The following FAM184B variants were observed in gnomAD, a reference collection of about 807,000 sequenced individuals.
FAM184B encodes protein FAM184B.
FAM184B carries 111 observed loss-of-function variants against 135.9 expected under a neutral mutation model. That is an observed-to-expected ratio of 0.82 (90% CI 0.70 to 0.96). The LOEUF is 0.96. Among genes scored for constraint, FAM184B ranks in the 40% least tolerant of loss-of-function variants. The pLI, the probability that FAM184B is intolerant of heterozygous loss-of-function variation, is 0.00. For missense variants in FAM184B, 1,375 were observed against 1,323.9 expected (o/e 1.04, Z -0.60); for synonymous variants, 552 against 524.8 (o/e 1.05, Z -0.71).
At chr4:17,776,085 C>A (rs1483774806) in intron 1 of FAM184B, among the ~76,000 whole-genome samples, 1 of 152,098 alleles carries the variant, frequency 6.6e-6, no homozygotes, top group Non-Finnish European at 1.5e-5. Context: ...TTTTAATGGG[C>A]ACCTTGGGCC....
chr4:17,673,422 C>T (rs1716223758), intron 7 of FAM184B, among the ~76,000 whole-genome samples: 1 of 152,102 alleles, frequency 6.6e-6, no homozygotes, highest in Admixed American at 6.5e-5. Flanking sequence ...TGGGTATCTA[C>T]CCTGAGGAAA....
chr4:17,647,661 G>C lies in FAM184B; in HGVS notation c.2322C>G (p.Ser774Arg). 1.3e-6 allele frequency: 2 copies of C among 1,550,718 alleles called. No homozygotes were observed. Among genetic ancestry groups the C allele is most frequent in the Non-Finnish European group, 1.7e-6 (2 of 1,146,928 alleles). ...CCTCTGTGGCGATTATGTGATCCTT[G>C]CTGTCTCCTGGACACTGGCTGCTGG... The part of the protein sequence containing the change: ...QQASSQCPGD[S>R]KDHIIATEER... The change falls in exon 12 of 18, where the codon AGC (serine) becomes AGG (arginine). Residue 774 changes from serine (S) to arginine (R), a missense_variant. Coordinates refer to ENST00000265018, the MANE Select transcript of FAM184B (RefSeq NM_015688.2).
At chr4:17,651,974 C>T (rs1688245431) in intron 11 of FAM184B, among the ~76,000 whole-genome samples, 1 of 152,082 alleles carries the variant, frequency 6.6e-6, no homozygotes, top group Non-Finnish European at 1.5e-5. Context: ...TTGCCGAAAT[C>T]TTCAGAACAG....
chr4:17,697,729 AC>A (rs1408770342), intron 5 of FAM184B, among the ~76,000 whole-genome samples: 1 of 152,252 alleles, frequency 6.6e-6, no homozygotes, highest in Non-Finnish European at 1.5e-5. Context: ...CAGCACAGTG[AC>A]AATCACCTGT....
intron 1 of FAM184B, among the ~76,000 whole-genome samples, chr4:17,747,182 C>T (rs1369209126): frequency 1.3e-5 from 2 of 151,706 alleles, no homozygotes; most frequent in Non-Finnish European, 2.9e-5. Context: ...TGGTGGGGGG[C>T]GGTGTGAGCC....
At chr4:17,756,606 T>A (rs1718426869) in intron 1 of FAM184B, among the ~76,000 whole-genome samples, 1 of 152,156 alleles carries the variant, frequency 6.6e-6, no homozygotes, top group East Asian at 1.9e-4. Context: ...CAGAAGTTTC[T>A]CTTGATAGAA....
intron 17 of FAM184B, chr4:17,633,270 A>G (rs1281266397): frequency 6.4e-6 from 1 of 155,892 alleles, no homozygotes; most frequent in East Asian, 1.9e-4. Context: ...ATCTTGAGGA[A>G]TAATGTTAGT....
chr4:17,745,206 T>C (rs1718133222), intron 1 of FAM184B, among the ~76,000 whole-genome samples: 2 of 152,242 alleles, frequency 1.3e-5, no homozygotes, highest in Admixed American at 6.5e-5. Flanking sequence ...GAAAGAATTC[T>C]GGACTAGATT....
chr4:17,709,233 A>T lies in FAM184B; in HGVS notation c.553T>A (p.Ser185Thr). The T allele has an allele frequency of 6.5e-7, 1 of 1,546,452 alleles. No homozygotes were observed. The highest frequency in any genetic ancestry group is 2.0e-5 in the Admixed American group (1 of 50,786). ...ATCTCCGGGCCCTGGCCTGGCTCCGACTTGGTTTCAGGGCTCTCCTGGGGC... is the reference window on the plus strand; with the variant it reads ...ATCTCCGGGCCCTGGCCTGGCTCCGTCTTGGTTTCAGGGCTCTCCTGGGGC... ...RLPQESPETK[S>T]EPGQGPEMQE... The change falls in exon 2 of 18, where the codon TCG (serine) becomes ACG (threonine). Residue 185 changes from serine (S) to threonine (T), a missense_variant. Ser to Thr is a moderately conservative substitution (Grantham distance 58, BLOSUM62 1). Coordinates refer to ENST00000265018, the MANE Select transcript of FAM184B (RefSeq NM_015688.2).
chr4:17,638,320 C>G (rs767896881), intron 14 of FAM184B, among the ~76,000 whole-genome samples: 30 of 151,734 alleles, frequency 2.0e-4, no homozygotes, highest in Admixed American at 2.6e-4. Flanking sequence ...TTCCAAGTAG[C>G]TGGGACTATA....
At chr4:17,763,556 G>C (rs1553843790) in intron 1 of FAM184B, among the ~76,000 whole-genome samples, 1 of 122,210 alleles carries the variant, frequency 8.2e-6, no homozygotes, top group Non-Finnish European at 1.8e-5. Context: ...AGACTGGACG[G>C]ACACACTTTG....
intron 1 of FAM184B, among the ~76,000 whole-genome samples, chr4:17,729,525 G>A (rs1038559984): frequency 2.0e-5 from 3 of 152,168 alleles, no homozygotes; most frequent in African/African-American, 4.8e-5. Context: ...CACCTCACAC[G>A]GCCAGGTACT....
At chr4:17,723,584 A>T (rs777220285) in intron 1 of FAM184B, among the ~76,000 whole-genome samples, 1 of 152,208 alleles carries the variant, frequency 6.6e-6, no homozygotes, top group Non-Finnish European at 1.5e-5. Flanking sequence ...GTCCACGGCC[A>T]GCCCATCTCT....
In FAM184B at chr4:17,781,057, T is replaced by C; in HGVS notation, c.141+102A>G. 7.2e-7 allele frequency: 1 copy of C among 1,379,432 alleles called. No homozygotes were observed. Among genetic ancestry groups the C allele is most frequent in the Non-Finnish European group, 9.5e-7 (1 of 1,050,668 alleles). The allele number at this position is 1,379,432 out of a possible 1,614,324, so 85.4% of individuals were successfully genotyped here. ...CGGTTGGCCTCCGAGACAAAGTTTC[T>C]GTCTGGATTTGGCCCGGGCCTCCCG... On this transcript the variant is annotated intron_variant, in intron 1 of 17. Coordinates refer to ENST00000265018, the MANE Select transcript of FAM184B (RefSeq NM_015688.2). This position sits in a 1 kb window ranked among gnomAD's most constrained non-coding sequence, Gnocchi z 6.5.
At chr4:17,739,555 G>GTTCTTTTTTTTTTTT (rs1717979952) in intron 1 of FAM184B, among the ~76,000 whole-genome samples, 1 of 62,510 alleles carries the variant, frequency 1.6e-5, no homozygotes, top group Non-Finnish European at 2.7e-5. Flanking sequence ...CATACCAACT[G>GTTCTTTTTTTTTTTT]TTTTTTTTTT....
At chr4:17,686,851 A>G (rs1560176327) in intron 7 of FAM184B, among the ~76,000 whole-genome samples, 1 of 152,312 alleles carries the variant, frequency 6.6e-6, no homozygotes, top group Admixed American at 6.5e-5. Context: ...CTGAGGTGGG[A>G]GGATCACTTA....
chr4:17,739,555 G>GTTTTTGTTTTTTTTTTTTTTT lies in FAM184B; in HGVS notation c.142-29912_142-29911insAAAAAAAAAAAAAAACAAAAA, dbSNP rs1553841421. Reference sequence around the variant, plus strand: ...CCCTACACCATATGTCATACCAACTGTTTTTTTTTTTTTTTTGAGATGGGG... The same window carrying GTTTTTGTTTTTTTTTTTTTTT: ...CCCTACACCATATGTCATACCAACTGTTTTTGTTTTTTTTTTTTTTTTTTTTTTTTTTTTTTTGAGATGGGG... On this transcript the variant is annotated intron_variant, in intron 1 of 17. Transcript: ENST00000265018. Among the ~76,000 whole-genome samples the GTTTTTGTTTTTTTTTTTTTTT allele has an allele frequency of 3.4e-4, 21 of 62,510 alleles. 1 individual carries two copies. The highest frequency in any genetic ancestry group is 1.3e-3 in the Admixed American group (4 of 3,174). 41.0% of individuals were successfully genotyped at this position (62,510 alleles called of 152,430 possible).
intron 9 of FAM184B, among the ~76,000 whole-genome samples, chr4:17,659,749 G>C (rs1247264620): frequency 1.3e-5 from 2 of 152,210 alleles, no homozygotes; most frequent in African/African-American, 4.8e-5. Flanking sequence ...GCCTCCCAAA[G>C]TGCTGAGATT....
intron 1 of FAM184B, among the ~76,000 whole-genome samples, chr4:17,723,538 C>T (rs1717578091): frequency 6.6e-6 from 1 of 152,158 alleles, no homozygotes; most frequent in African/African-American, 2.4e-5. Context: ...CTCACTTAAC[C>T]TGCACATCAG....
Sources: gnomAD v4.1 joint callset for allele counts (sites outside exome capture counted in the v4.1 genomes callset) on GRCh38, gnomAD v4.1.1 for gene constraint, Gnocchi (gnomAD v3.1) non-coding constraint, MANE v1.5 for transcripts, NCBI Gene and HGNC (gene_info 2026-07-23, HGNC 2026-07-21) for gene names.